Variants in KYNU observed in about 807,000 individuals in gnomAD.
The protein encoded by KYNU is L-kynurenine hydrolase.
A neutral mutation model predicts 59.2 loss-of-function variants in KYNU; 54 were observed. That is an observed-to-expected ratio of 0.91 (90% CI 0.73 to 1.14). KYNU has a LOEUF of 1.14. Among genes scored for constraint, KYNU ranks in the 50% most tolerant of loss-of-function variants. The pLI is 0.00. For missense variants in KYNU, 567 were observed against 554.4 expected (o/e 1.02, Z -0.23); for synonymous variants, 177 against 192.0 (o/e 0.92, Z 0.65).
At chr2:142,931,604 G>T (rs1683220430) in intron 4 of KYNU, among the ~76,000 whole-genome samples, 1 of 152,134 alleles carries the variant, frequency 6.6e-6, no homozygotes, top group Non-Finnish European at 1.5e-5. Flanking sequence ...TAAAAGTTCG[G>T]CCATACATGA....
intron 4 of KYNU, among the ~76,000 whole-genome samples, chr2:142,951,052 A>C (rs1175860652): frequency 6.6e-6 from 1 of 152,198 alleles, no homozygotes; most frequent in Non-Finnish European, 1.5e-5. Context: ...GTCTTATATG[A>C]ATGTGGTTTG....
chr2:143,036,824 T>C (rs995646031), intron 12 of KYNU, among the ~76,000 whole-genome samples: 2 of 152,318 alleles, frequency 1.3e-5, no homozygotes, highest in African/African-American at 2.4e-5. Flanking sequence ...TTTTAGGAGA[T>C]AGGTGGTTGA....
chr2:143,017,745 TA>T, intron 10 of KYNU, among the ~76,000 whole-genome samples: 1 of 152,220 alleles, frequency 6.6e-6, no homozygotes, highest in East Asian at 1.9e-4. Flanking sequence ...GCCATTTTTT[TA>T]ACCTTTTCAT....
intron 10 of KYNU, among the ~76,000 whole-genome samples, chr2:143,024,364 C>T (rs1686493595): frequency 6.6e-6 from 1 of 151,968 alleles, no homozygotes; most frequent in Non-Finnish European, 1.5e-5. Flanking sequence ...TCGATAGTCA[C>T]AATATGTCAT....
At position 142,947,165 on chromosome 2, in the gene KYNU, C is replaced by G. The variant is rs1683816946; in HGVS notation, c.374-7645C>G. ...TGGAAATGACCTCAGTATGTGTAAT[C>G]TTAAGTCATCTTGCTAACGCAGACA... On this transcript the variant is annotated intron_variant, in intron 4 of 13. Transcript: ENST00000264170. 4.5e-6 allele frequency: 7 copies of G among 1,551,060 alleles called. No individual in the cohort carries two copies. In the East Asian group the frequency reaches 1.7e-4, roughly 38 times the overall value.
At chr2:142,903,117 T>C (rs892410375) in intron 2 of KYNU, among the ~76,000 whole-genome samples, 1 of 152,046 alleles carries the variant, frequency 6.6e-6, no homozygotes, top group Non-Finnish European at 1.5e-5. Flanking sequence ...ACTCCTAAAA[T>C]TGGAGGATTG....
chr2:142,956,768 TCA>T (rs1004265675), intron 6 of KYNU, among the ~76,000 whole-genome samples: 4 of 152,116 alleles, frequency 2.6e-5, no homozygotes, highest in African/African-American at 9.7e-5. Context: ...CTAAAAAAAG[TCA>T]CATTACTTTA....
chr2:142,904,685 A>C (rs1682223787), intron 2 of KYNU, among the ~76,000 whole-genome samples: 1 of 152,190 alleles, frequency 6.6e-6, no homozygotes, highest in South Asian at 2.1e-4. Context: ...TCCAGAATAC[A>C]TTTTAGGGGT....
chr2:143,012,440 G>A (rs1472872210), intron 10 of KYNU, among the ~76,000 whole-genome samples: 2 of 148,456 alleles, frequency 1.3e-5, no homozygotes, highest in East Asian at 2.0e-4. Flanking sequence ...CCAAGATCAT[G>A]CCACTGCACT....
Position 142,927,665 on chromosome 2 carries a change from C to T in KYNU, c.297C>T (p.Ala99=), listed in dbSNP as rs763590831. The T allele has an allele frequency of 1.4e-5, 23 of 1,612,448 alleles. No individual in the cohort carries two copies. In the South Asian group the frequency reaches 2.4e-4, roughly 17 times the overall value. Residue 99 remains alanine, a synonymous_variant, in exon 4 of 14, where the codon GCC becomes GCT. Coordinates refer to ENST00000264170, the MANE Select transcript of KYNU (RefSeq NM_003937.3). ...EELDKWAKIA[A]YGHEVGKRPW... is the part of the protein sequence containing the mutation. ...TGTCCGTTTTCAATTTCAGAGCAGCCTATGGTCATGAAGTGGGGAAGCGTC... is the reference window on the plus strand; with the variant it reads ...TGTCCGTTTTCAATTTCAGAGCAGCTTATGGTCATGAAGTGGGGAAGCGTC...
At chr2:142,999,860 TAAATGATTAAATTTCTTTTATC>T (rs1281681814) in intron 10 of KYNU, among the ~76,000 whole-genome samples, 2 of 152,142 alleles carry the variant, frequency 1.3e-5, no homozygotes, top group Admixed American at 1.3e-4. Context: ...GTAATCCACT[TAAATGATTAAATTTCTTTTATC>T]AAATGATTAA....
chr2:143,028,355 CT>C (rs1212041497), intron 10 of KYNU, among the ~76,000 whole-genome samples: 1 of 148,800 alleles, frequency 6.7e-6, no homozygotes, highest in Non-Finnish European at 1.5e-5. Flanking sequence ...AGCGATTCTC[CT>C]GCCTCAGCCT....
intron 8 of KYNU, among the ~76,000 whole-genome samples, chr2:142,972,352 C>G (rs1684750306): frequency 6.6e-6 from 1 of 152,118 alleles, no homozygotes. Flanking sequence ...TCAATTCACA[C>G]CTTTCCCTTA....
intron 8 of KYNU, among the ~76,000 whole-genome samples, chr2:142,970,133 C>A (rs1291057045): frequency 6.6e-6 from 1 of 152,176 alleles, no homozygotes; most frequent in Non-Finnish European, 1.5e-5. Flanking sequence ...CCACACCATT[C>A]TCTGAAATTC....
chr2:142,890,124 A>C (rs1049060075), intron 2 of KYNU, among the ~76,000 whole-genome samples: 1 of 152,020 alleles, frequency 6.6e-6, no homozygotes, highest in African/African-American at 2.4e-5. Flanking sequence ...AAACAAGCAA[A>C]AGAAAGGAGG....
intron 10 of KYNU, among the ~76,000 whole-genome samples, chr2:143,020,281 T>A (rs1194491983): frequency 2.0e-5 from 3 of 152,158 alleles, no homozygotes. Context: ...TAAACTTTCC[T>A]CTTGCACTGA....
At chr2:142,933,616 T>G (rs1353441902) in intron 4 of KYNU, among the ~76,000 whole-genome samples, 1 of 152,030 alleles carries the variant, frequency 6.6e-6, no homozygotes, top group South Asian at 2.1e-4. Context: ...ACTAAGGGGG[T>G]GCATAATTGT....
intron 8 of KYNU, among the ~76,000 whole-genome samples, chr2:142,977,457 A>G (rs528341682): frequency 8.2e-4 from 124 of 151,118 alleles, no homozygotes; most frequent in African/African-American, 2.9e-3. Context: ...AAGTTGGAAC[A>G]GTATTCTGGT....
chr2:143,001,804 C>G (rs1158747008), intron 10 of KYNU, among the ~76,000 whole-genome samples: 1 of 152,186 alleles, frequency 6.6e-6, no homozygotes, highest in African/African-American at 2.4e-5. Flanking sequence ...GAAAGAATAT[C>G]TACCTCAAAG....
Sources: gnomAD v4.1 joint callset for allele counts (sites outside exome capture counted in the v4.1 genomes callset) on GRCh38, gnomAD v4.1.1 for gene constraint, MANE v1.5 for transcripts, NCBI Gene and HGNC (gene_info 2026-07-23, HGNC 2026-07-21) for gene names.